The following RASSF5 variants were observed in gnomAD, a reference collection of about 807,000 sequenced individuals.
RASSF5 encodes the protein ras association domain-containing protein 5.
RASSF5 carries 25 observed loss-of-function variants against 40.5 expected under a neutral mutation model. The observed-to-expected ratio is 0.62, with a 90% CI of 0.45 to 0.86. RASSF5 has a LOEUF of 0.86. Ranked by LOEUF, RASSF5 falls within the 40% of genes least tolerant of loss-of-function variation. The pLI is 0.00. For synonymous variants in RASSF5, 246 were observed against 252.4 expected (o/e 0.97, Z 0.24); for missense variants, 521 against 572.8 (o/e 0.91, Z 0.92).
rs1317459694 is a variant in RASSF5 at position 206,524,089 on chromosome 1, A to G, written c.458-14083A>G. On this transcript the variant is annotated intron_variant, in intron 1 of 5. Coordinates refer to ENST00000579436, the MANE Select transcript of RASSF5 (RefSeq NM_182663.4). The stretch of plus-strand genomic sequence containing the variant: ...ATATATAATATATTTTATATATAAT[A>G]TGTATACCATATATAATATATTTTA... Among the ~76,000 whole-genome samples, 159 of 129,896 alleles carry G rather than the reference A, an allele frequency of 1.2e-3. 1 individual carries two copies. Among genetic ancestry groups the G allele is most frequent in the Admixed American group, 2.1e-3 (24 of 11,478 alleles). 85.2% of individuals were successfully genotyped at this position (129,896 alleles called of 152,430 possible).
intron 1 of RASSF5, among the ~76,000 whole-genome samples, chr1:206,516,948 G>A (rs1339788736): frequency 6.6e-6 from 1 of 152,092 alleles, no homozygotes; most frequent in Non-Finnish European, 1.5e-5. Context: ...TGTCATTTCA[G>A]GACCCGGACT....
At chr1:206,563,204 C>G (rs1668194771) in intron 2 of RASSF5, among the ~76,000 whole-genome samples, 1 of 152,140 alleles carries the variant, frequency 6.6e-6, no homozygotes, top group African/African-American at 2.4e-5. Flanking sequence ...CACACCTAAC[C>G]ACAGGGGAGG....
intron 2 of RASSF5, among the ~76,000 whole-genome samples, chr1:206,572,985 T>A (rs1553404499): frequency 6.6e-6 from 1 of 151,946 alleles, no homozygotes; most frequent in East Asian, 1.9e-4. Flanking sequence ...AATGGAAAAA[T>A]TTGGACAAAT....
In RASSF5 at chr1:206,584,764, T is replaced by C. The variant is rs1553407240; in HGVS notation, c.988+80T>C. 1 of 1,487,692 alleles carries C rather than the reference T, an allele frequency of 6.7e-7. No individual in the cohort carries two copies. Among genetic ancestry groups the C allele is most frequent in the Non-Finnish European group, 9.2e-7 (1 of 1,085,596 alleles). The allele number at this position is 1,487,692 out of a possible 1,614,324, so 92.2% of individuals were successfully genotyped here. ...CCACCCACTAAAACTCCTGCCGGCCTTGGGTGGGAGCTGTGGGCTTCTCCT... is the reference window on the plus strand; with the variant it reads ...CCACCCACTAAAACTCCTGCCGGCCCTGGGTGGGAGCTGTGGGCTTCTCCT... On this transcript the variant is annotated intron_variant, in intron 4 of 5. Transcript: ENST00000579436. The surrounding 1 kb of genome is among the most constrained non-coding windows in gnomAD (Gnocchi z 4.9).
intron 1 of RASSF5, chr1:206,528,818 A>C (rs1667161994): frequency 2.6e-6 from 1 of 382,858 alleles, no homozygotes. Flanking sequence ...CAGGGAGATC[A>C]CTTGAGGCCA....
chr1:206,533,612 G>A (rs1667302347), intron 1 of RASSF5, among the ~76,000 whole-genome samples: 1 of 151,992 alleles, frequency 6.6e-6, no homozygotes, highest in Admixed American at 6.6e-5. Context: ...AAAATCAACT[G>A]GGCATGGTGG....
chr1:206,535,172 C>T lies in RASSF5; in HGVS notation c.458-3000C>T, dbSNP rs1667347543. Among the ~76,000 whole-genome samples the T allele has an allele frequency of 6.6e-6, 1 of 152,186 alleles. No individual in the cohort carries two copies. The highest frequency in any genetic ancestry group is 1.5e-5 in the Non-Finnish European group (1 of 68,038). ...GAGCCACGATAGTGCCACTGCACTG[C>T]AGCCTGGGTGGCAGAGTGAAACCTT... On this transcript the variant is annotated intron_variant, in intron 1 of 5. Transcript: ENST00000579436. This position sits in a 1 kb window ranked among gnomAD's most constrained non-coding sequence, Gnocchi z 5.0.
chr1:206,523,418 ATATAT>A (rs1426709910), intron 1 of RASSF5, among the ~76,000 whole-genome samples: 4 of 117,324 alleles, frequency 3.4e-5, no homozygotes, highest in African/African-American at 1.3e-4. Flanking sequence ...ATTATATATT[ATATAT>A]TATATAATAT....
intron 1 of RASSF5, among the ~76,000 whole-genome samples, chr1:206,528,740 T>A (rs1351605785): frequency 1.3e-5 from 2 of 152,006 alleles, no homozygotes; most frequent in Non-Finnish European, 2.9e-5. Flanking sequence ...AAGTCTATTT[T>A]AAAAAAATTA....
At chr1:206,565,755 C>T (rs1668272334) in intron 2 of RASSF5, among the ~76,000 whole-genome samples, 1 of 152,200 alleles carries the variant, frequency 6.6e-6, no homozygotes, top group Non-Finnish European at 1.5e-5. Context: ...CTCCTAGAAT[C>T]AAAGGGTTTG....
chr1:206,523,877 T>A (rs1402571291), intron 1 of RASSF5, among the ~76,000 whole-genome samples: 1 of 110,954 alleles, frequency 9.0e-6, no homozygotes, highest in Non-Finnish European at 1.6e-5. Flanking sequence ...ATTATATATT[T>A]TATATATATT....
intron 1 of RASSF5, among the ~76,000 whole-genome samples, chr1:206,525,837 A>G (rs558087789): frequency 1.3e-5 from 2 of 152,314 alleles, no homozygotes; most frequent in South Asian, 4.1e-4. Context: ...AATGGTCGCT[A>G]AAAGTGTATG....
rs1553406761 is a variant in RASSF5 at position 206,583,295 on chromosome 1, A to T, written c.606A>T (p.Thr202=). The T allele has an allele frequency of 6.2e-7, 1 of 1,613,668 alleles. No individual in the cohort carries two copies. Among genetic ancestry groups the T allele is most frequent in the Admixed American group, 1.7e-5 (1 of 60,016 alleles). Residue 202 remains threonine, a synonymous_variant, in exon 3 of 6, where the codon ACA becomes ACT. Coordinates refer to ENST00000579436, the MANE Select transcript of RASSF5 (RefSeq NM_182663.4). The stretch of plus-strand genomic sequence containing the variant: ...ATGTCTGTAAACCTGTGGAGGAGAC[A>T]CAGCGCCCGCCCACACTGCAGGAGA... ...SQNVCKPVEE[T]QRPPTLQEIK...
chr1:206,509,532 G>T (rs139162355), intron 1 of RASSF5, among the ~76,000 whole-genome samples: 9 of 152,306 alleles, frequency 5.9e-5, no homozygotes, highest in Admixed American at 1.3e-4. Flanking sequence ...TGTGTTGGCA[G>T]CTTTTGCACT....
chr1:206,548,958 TG>T (rs199724293), intron 2 of RASSF5, among the ~76,000 whole-genome samples: 2,239 of 152,250 alleles, frequency 0.015, 48 homozygotes, highest in African/African-American at 0.048. Context: ...CTCTGTCTCC[TG>T]GGTCCAAGTG....
intron 2 of RASSF5, among the ~76,000 whole-genome samples, chr1:206,545,979 C>G (rs201794482): frequency 3.7e-5 from 5 of 135,134 alleles, no homozygotes; most frequent in African/African-American, 1.4e-4. Context: ...TTGAGACAGT[C>G]TTGCTCTGTC....
At chr1:206,558,004 G>A (rs782110229) in intron 2 of RASSF5, among the ~76,000 whole-genome samples, 2 of 152,162 alleles carry the variant, frequency 1.3e-5, no homozygotes, top group African/African-American at 2.4e-5. Flanking sequence ...TCTCATAACC[G>A]CACCCCCTCC....
At chr1:206,564,097 C>T (rs1553403048) in intron 2 of RASSF5, among the ~76,000 whole-genome samples, 1 of 152,202 alleles carries the variant, frequency 6.6e-6, no homozygotes, top group East Asian at 1.9e-4. Context: ...TCTCAACAAA[C>T]ACCCTTGTCA....
chr1:206,554,916 T>G (rs1358742534), intron 2 of RASSF5, among the ~76,000 whole-genome samples: 1 of 152,178 alleles, frequency 6.6e-6, no homozygotes, highest in Admixed American at 6.5e-5. Context: ...CTTCCCAACC[T>G]AGATTCACTG....
Sources: gnomAD v4.1 joint callset for allele counts (sites outside exome capture counted in the v4.1 genomes callset) on GRCh38, gnomAD v4.1.1 for gene constraint, Gnocchi (gnomAD v3.1) non-coding constraint, MANE v1.5 for transcripts, NCBI Gene and HGNC (gene_info 2026-07-23, HGNC 2026-07-21) for gene names.